ZMYM4: variants seen among roughly 807,000 people sequenced by gnomAD.
The protein encoded by ZMYM4 is zinc finger MYM-type protein 4.
Under a neutral mutation model 183.2 loss-of-function variants are expected in ZMYM4, and 31 were observed. That is an observed-to-expected ratio of 0.17 (90% CI 0.13 to 0.23). The LOEUF is 0.23. ZMYM4 is among the 10% of genes least tolerant of loss of function. ZMYM4 has a pLI of 1.00. For synonymous variants in ZMYM4, 592 were observed against 631.2 expected (o/e 0.94, Z 0.93); for missense variants, 1,273 against 1,840.3 (o/e 0.69, Z 5.64).
intron 18 of ZMYM4, among the ~76,000 whole-genome samples, chr1:35,395,674 A>G (rs1644796566): frequency 6.6e-6 from 1 of 152,200 alleles, no homozygotes; most frequent in Non-Finnish European, 1.5e-5. Flanking sequence ...CCAGAACATC[A>G]TCATAACTGG....
rs139535337 is a variant in ZMYM4 at position 35,389,781 on chromosome 1, A to ATGTGTGTGTGTGTG, written c.2437-153_2437-140dup. Among the ~76,000 whole-genome samples the ATGTGTGTGTGTGTG allele has an allele frequency of 3.0e-3, 423 of 141,456 alleles. 2 individuals are homozygous for ATGTGTGTGTGTGTG. Among genetic ancestry groups the ATGTGTGTGTGTGTG allele is most frequent in the African/African-American group, 0.01 (388 of 37,648 alleles). The allele number at this position is 141,456 out of a possible 152,430, so 92.8% of individuals were successfully genotyped here. Reference sequence around the variant, plus strand: ...AAAAAAAAAAAAAATATATATATATATGTGTGTGTGTGTGTGTGTGTGTGT... The same window carrying ATGTGTGTGTGTGTG: ...AAAAAAAAAAAAAATATATATATATATGTGTGTGTGTGTGTGTGTGTGTGTGTGTGTGTGTGTGT... On this transcript the variant is annotated intron_variant, in intron 14 of 29. Transcript: ENST00000314607. The surrounding 1 kb of genome is among the most constrained non-coding windows in gnomAD (Gnocchi z 4.0).
chr1:35,322,122 A>G (rs1642307445), intron 1 of ZMYM4, among the ~76,000 whole-genome samples: 1 of 152,110 alleles, frequency 6.6e-6, no homozygotes, highest in African/African-American at 2.4e-5. Context: ...TTCATTTTGT[A>G]TCTTTACCAG....
Position 35,387,224 on chromosome 1 carries a change from A to T in ZMYM4, c.2058A>T (p.Lys686Asn). 1 of 1,614,222 alleles carries T rather than the reference A, an allele frequency of 6.2e-7. No homozygotes were observed. Among genetic ancestry groups the T allele is most frequent in the Non-Finnish European group, 8.5e-7 (1 of 1,180,040 alleles). ...TTGCACGAAGTGTTGTGAAACTCAA[A>T]TGTCAACACTGTAACCGTCTTTTTG... ...VGFARSVVKLKCQHCNRLFAT... is the reference protein window; with the variant it reads ...VGFARSVVKLNCQHCNRLFAT... Residue 686 changes from lysine to asparagine, a missense_variant, in exon 12 of 30, where the codon AAA becomes AAT. Physicochemically the swap from Lys to Asn is moderately conservative, Grantham distance 94 (BLOSUM62 0). Around this residue, in one of 6 missense-constraint regions of ZMYM4, gnomAD observed 319 missense variants for 518.1 expected, o/e 0.62. Coordinates refer to ENST00000314607, the MANE Select transcript of ZMYM4 (RefSeq NM_005095.3).
intron 7 of ZMYM4, among the ~76,000 whole-genome samples, chr1:35,378,782 C>G (rs1009989640): frequency 2.6e-5 from 4 of 152,186 alleles, no homozygotes; most frequent in Non-Finnish European, 1.5e-5. Flanking sequence ...CATTGAGAAT[C>G]TTATTTAGTG....
intron 2 of ZMYM4, among the ~76,000 whole-genome samples, chr1:35,350,171 C>T (rs997759230): frequency 6.7e-6 from 1 of 149,272 alleles, no homozygotes; most frequent in Non-Finnish European, 1.5e-5. Flanking sequence ...TGCTGTGTTG[C>T]CCAAGCTGAT....
chr1:35,337,389 C>G (rs151090065), intron 2 of ZMYM4, among the ~76,000 whole-genome samples: 2 of 152,022 alleles, frequency 1.3e-5, no homozygotes, highest in Non-Finnish European at 2.9e-5. Flanking sequence ...GTAAATCCAT[C>G]GTGTTCTCTA....
rs1644864805 is a variant in ZMYM4 at position 35,399,486 on chromosome 1, C to T, written c.3438C>T (p.Ser1146=). The T allele has an allele frequency of 6.2e-7, 1 of 1,613,768 alleles. No homozygotes were observed. Among genetic ancestry groups the T allele is most frequent in the African/African-American group, 1.3e-5 (1 of 74,896 alleles). The change falls in exon 23 of 30, where the codon TCC becomes TCT. Residue 1146 remains serine, a synonymous_variant. Coordinates refer to ENST00000314607, the MANE Select transcript of ZMYM4 (RefSeq NM_005095.3). ...CCTTTCTGCTGATTATTATAGACTC[C>T]TTTGACCCACTTAATAAAGGACAGG... is the stretch of plus-strand genomic sequence containing the variant. ...QDLEADFPSD[S]FDPLNKGQGI...
intron 2 of ZMYM4, among the ~76,000 whole-genome samples, chr1:35,352,368 A>C (rs1643653948): frequency 6.9e-6 from 1 of 145,228 alleles, no homozygotes; most frequent in Admixed American, 7.0e-5. Flanking sequence ...TGTCTCTACT[A>C]ATAATTTAAA....
chr1:35,331,166 AT>A (rs1642729941), intron 2 of ZMYM4, among the ~76,000 whole-genome samples: 1 of 152,170 alleles, frequency 6.6e-6, no homozygotes, highest in Non-Finnish European at 1.5e-5. Context: ...GCTAAGTATT[AT>A]TTGGATCCTT....
At chr1:35,354,755 A>AAGTTGAATTGTTGGGTCAAG (rs1473498717) in intron 2 of ZMYM4, among the ~76,000 whole-genome samples, 1 of 148,604 alleles carries the variant, frequency 6.7e-6, no homozygotes, top group Non-Finnish European at 1.5e-5. Flanking sequence ...AAAAAAAAAA[A>AAGTTGAATTGTTGGGTCAAG]AGTTGAATTG....
intron 1 of ZMYM4, among the ~76,000 whole-genome samples, chr1:35,316,157 TATTA>T (rs1189082928): frequency 2.0e-5 from 3 of 152,136 alleles, no homozygotes; most frequent in Non-Finnish European, 4.4e-5. Context: ...CTTTATTATA[TATTA>T]ATTATATGGG....
chr1:35,323,552 T>G (rs1419933450), intron 1 of ZMYM4, among the ~76,000 whole-genome samples: 2 of 147,764 alleles, frequency 1.4e-5, no homozygotes, highest in Non-Finnish European at 3.0e-5. Context: ...TTTTTTGGTG[T>G]TTTTTTTTTG....
chr1:35,331,061 A>C (rs2148832912), intron 2 of ZMYM4, among the ~76,000 whole-genome samples: 1 of 152,230 alleles, frequency 6.6e-6, no homozygotes, highest in Non-Finnish European at 1.5e-5. Flanking sequence ...GATATAATTA[A>C]AATTTTTCTA....
intron 1 of ZMYM4, among the ~76,000 whole-genome samples, chr1:35,303,467 A>G (rs1220161381): frequency 6.6e-6 from 1 of 151,964 alleles, no homozygotes; most frequent in African/African-American, 2.4e-5. Context: ...GTACAGTGGC[A>G]CAATATCGGC....
chr1:35,357,162 T>TTA lies in ZMYM4; in HGVS notation c.86-1760_86-1759dup, dbSNP rs534329146. 2.9e-3 allele frequency among the ~76,000 whole-genome samples: 439 copies of TTA among 152,264 alleles called. 2 individuals are homozygous for TTA. The highest frequency in any genetic ancestry group is 0.01 in the African/African-American group (421 of 41,562). On this transcript the variant is annotated intron_variant, in intron 2 of 29. Coordinates refer to ENST00000314607, the MANE Select transcript of ZMYM4 (RefSeq NM_005095.3). Reference sequence around the variant, plus strand: ...GCCTCAGCCTCCCAAAGTGCTAAGATTATAGGTGTGAGCCACTGTGCCTGG... The same window carrying TTA: ...GCCTCAGCCTCCCAAAGTGCTAAGATTATATAGGTGTGAGCCACTGTGCCTGG...
intron 1 of ZMYM4, among the ~76,000 whole-genome samples, chr1:35,315,906 AC>A: frequency 6.6e-6 from 1 of 152,292 alleles, no homozygotes; most frequent in African/African-American, 2.4e-5. Context: ...GGCCTGGGTG[AC>A]AGAGTGAGTC....
intron 1 of ZMYM4, among the ~76,000 whole-genome samples, chr1:35,286,276 A>C (rs1463124454): frequency 6.6e-6 from 1 of 152,142 alleles, no homozygotes; most frequent in Non-Finnish European, 1.5e-5. Context: ...AATTTTAAGA[A>C]AACAATTTCA....
intron 2 of ZMYM4, among the ~76,000 whole-genome samples, chr1:35,326,089 C>A (rs1195431456): frequency 6.6e-6 from 1 of 152,100 alleles, no homozygotes; most frequent in Non-Finnish European, 1.5e-5. Flanking sequence ...AATAAGTCCT[C>A]ACTAAATGTT....
intron 2 of ZMYM4, among the ~76,000 whole-genome samples, chr1:35,346,965 T>C (rs996171807): frequency 6.6e-6 from 1 of 152,188 alleles, no homozygotes; most frequent in Admixed American, 6.5e-5. Flanking sequence ...CATCCAGAAA[T>C]AGGCCCTGGA....
Sources: gnomAD v4.1 joint callset for allele counts (sites outside exome capture counted in the v4.1 genomes callset) on GRCh38, gnomAD v4.1.1 for gene constraint, gnomAD v4.1.1 regional missense constraint, Gnocchi (gnomAD v3.1) non-coding constraint, MANE v1.5 for transcripts, NCBI Gene and HGNC (gene_info 2026-07-23, HGNC 2026-07-21) for gene names.